CNMD: variants seen among roughly 807,000 people sequenced by gnomAD.
CNMD encodes chondromodulin.
In CNMD, 30 loss-of-function variants were observed where a neutral mutation model predicts 37.5. The observed-to-expected ratio is 0.80, with a 90% CI of 0.60 to 1.09. The LOEUF is 1.09. CNMD is among the 50% of genes least tolerant of loss of function. The pLI is 0.00. For missense variants in CNMD, 398 were observed against 423.9 expected, an observed-to-expected ratio of 0.94 and a Z score of 0.54; for synonymous variants, 167 against 148.2, an observed-to-expected ratio of 1.13 and a Z score of -0.92.
chr13:52,737,978 T>G (rs551160665), intron 2 of CNMD, among the ~76,000 whole-genome samples: 2 of 152,252 alleles, frequency 1.3e-5, no homozygotes, highest in Non-Finnish European at 2.9e-5. Flanking sequence ...ACATTTGAGT[T>G]AAAAATACAA....
chr13:52,718,929 T>A (rs1964434697), intron 4 of CNMD, among the ~76,000 whole-genome samples: 1 of 152,166 alleles, frequency 6.6e-6, no homozygotes, highest in African/African-American at 2.4e-5. Flanking sequence ...AGCGGGGTGT[T>A]AAAGTCTCCC....
chr13:52,732,140 A>G (rs1441594232), intron 3 of CNMD, among the ~76,000 whole-genome samples: 2 of 152,260 alleles, frequency 1.3e-5, no homozygotes, highest in African/African-American at 4.8e-5. Flanking sequence ...TTTCACTCAA[A>G]TGAAAAGCAT....
chr13:52,711,372 T>C (rs1379533249), intron 5 of CNMD, among the ~76,000 whole-genome samples: 1 of 152,190 alleles, frequency 6.6e-6, no homozygotes, highest in Non-Finnish European at 1.5e-5. Flanking sequence ...ATCATAGAAC[T>C]GTGAGTTGTG....
intron 6 of CNMD, among the ~76,000 whole-genome samples, chr13:52,704,311 A>G (rs1195731094): frequency 6.6e-6 from 1 of 152,204 alleles, no homozygotes; most frequent in African/African-American, 2.4e-5. Flanking sequence ...CTCTGAGAAC[A>G]CTGTCAAGTC....
At chr13:52,706,841 C>T (rs1039901702) in intron 6 of CNMD, among the ~76,000 whole-genome samples, 3 of 151,962 alleles carry the variant, frequency 2.0e-5, no homozygotes, top group African/African-American at 7.3e-5. Context: ...AAGGGAAACA[C>T]TTTTCTTAAT....
rs114030356 is a variant in CNMD, at chr13:52,735,818, G to A, written c.214-2459C>T. Among the ~76,000 whole-genome samples, 271 of 149,820 alleles carry A rather than the reference G, an allele frequency of 1.8e-3. 1 individual carries two copies. The highest frequency in any genetic ancestry group is 6.2e-3 in the African/African-American group (254 of 40,856). ...CGTAGGGCATCTTGGTTGTGCAGCT[G>A]CGGCCCACCTTTTTTTTTTTTTTTT... On this transcript the variant is annotated intron_variant, in intron 2 of 6. Transcript: ENST00000377962.
chr13:52,709,099 C>T (rs150432234), intron 5 of CNMD, among the ~76,000 whole-genome samples: 318 of 152,160 alleles, frequency 2.1e-3, no homozygotes, highest in African/African-American at 5.9e-3. Flanking sequence ...CAGCAGAATA[C>T]GCTAGTGCAG....
At chr13:52,719,337 A>G (rs1265845918) in intron 4 of CNMD, among the ~76,000 whole-genome samples, 1 of 152,154 alleles carries the variant, frequency 6.6e-6, no homozygotes, top group Non-Finnish European at 1.5e-5. Flanking sequence ...TTTAAGGTTA[A>G]TATTGTTATG....
At chr13:52,732,996 A>G (rs1038366322) in intron 3 of CNMD, 3 of 555,216 alleles carry the variant, frequency 5.4e-6, no homozygotes, top group Non-Finnish European at 9.6e-6. Context: ...TGTTTTTGGT[A>G]TTTTACAACT....
intron 5 of CNMD, among the ~76,000 whole-genome samples, chr13:52,709,749 G>T (rs1413278479): frequency 6.6e-6 from 1 of 152,194 alleles, no homozygotes; most frequent in Non-Finnish European, 1.5e-5. Context: ...GAGGCAGGCG[G>T]ATCACTTGAG....
chr13:52,718,347 C>T (rs1456175548), intron 4 of CNMD, among the ~76,000 whole-genome samples: 1 of 152,092 alleles, frequency 6.6e-6, no homozygotes, highest in African/African-American at 2.4e-5. Flanking sequence ...TCCTTCAGTT[C>T]TGCTCTGATC....
At chr13:52,703,939 T>A in intron 6 of CNMD, 129 bp from the exon 7 acceptor site, 1 of 688,988 alleles carries the variant, frequency 1.5e-6, no homozygotes, top group Non-Finnish European at 2.4e-6. Flanking sequence ...GGGTTTGATC[T>A]TGTTTACCCT....
intron 2 of CNMD, among the ~76,000 whole-genome samples, chr13:52,734,982 T>C (rs564328545): frequency 6.6e-6 from 1 of 152,180 alleles, no homozygotes; most frequent in Non-Finnish European, 1.5e-5. Context: ...AAAATACCAG[T>C]GTCCTTTTTC....
chr13:52,713,431 A>G (rs967775769), intron 4 of CNMD, among the ~76,000 whole-genome samples: 3 of 152,206 alleles, frequency 2.0e-5, no homozygotes, highest in East Asian at 3.8e-4. Flanking sequence ...TGAGATTTCA[A>G]AGTTAAACCC....
In CNMD at chr13:52,703,621, C is replaced by A. The variant is rs1964122294; in HGVS notation, c.979G>T (p.Val327Leu). Residue 327 changes from valine to leucine, a missense_variant, in exon 7 of 7, where the codon GTG becomes TTG. Coordinates refer to ENST00000377962, the MANE Select transcript of CNMD (RefSeq NM_007015.3). ...CACACCATGCCCAAGATACGGGCCA[C>A]CCACCAGCTACATGGCATGATGACT... Reference protein sequence around the residue: ...CRVIMPCSWWVARILGMV With the variant: ...CRVIMPCSWWLARILGMV 1 of 1,612,686 alleles carries A rather than the reference C, an allele frequency of 6.2e-7. No individual in the cohort carries two copies. Among genetic ancestry groups the A allele is most frequent in the African/African-American group, 1.3e-5 (1 of 74,890 alleles).
At chr13:52,714,267 C>T (rs191265715) in intron 4 of CNMD, among the ~76,000 whole-genome samples, 6 of 152,270 alleles carry the variant, frequency 3.9e-5, no homozygotes, top group South Asian at 2.1e-4. Context: ...TGCTGGCCAC[C>T]GAGCCAATGC....
intron 4 of CNMD, among the ~76,000 whole-genome samples, chr13:52,713,773 T>C (rs2138232095): frequency 6.6e-6 from 1 of 152,324 alleles, no homozygotes; most frequent in East Asian, 1.9e-4. Context: ...GAAAAATTTA[T>C]GAAAGCAAGT....
At chr13:52,709,281 A>C (rs1226246430) in intron 5 of CNMD, among the ~76,000 whole-genome samples, 2 of 152,222 alleles carry the variant, frequency 1.3e-5, no homozygotes, top group African/African-American at 4.8e-5. Flanking sequence ...TGGTAACTGG[A>C]AAGAGACTTG....
chr13:52,739,748 T>A lies in CNMD; in HGVS notation c.-47A>T. On this transcript the variant is annotated 5_prime_UTR_variant, in exon 1 of 7. Transcript: ENST00000377962. The surrounding 1 kb of genome is among the most constrained non-coding windows in gnomAD (Gnocchi z 5.4). ...GCACTTGGAGACTCCCTGGGCACCC[T>A]GGGATCTGTCCCGCTGCCCCGACGT... is the stretch of plus-strand genomic sequence containing the variant. 1.3e-6 allele frequency: 2 copies of A among 1,508,280 alleles called. No individual in the cohort carries two copies. The highest frequency in any genetic ancestry group is 1.8e-6 in the Non-Finnish European group (2 of 1,084,576). The allele number at this position is 1,508,280 out of a possible 1,614,324, so 93.4% of individuals were successfully genotyped here.
Sources: allele counts gnomAD v4.1 joint callset (sites outside exome capture counted in the v4.1 genomes callset), GRCh38; gene constraint gnomAD v4.1.1; non-coding constraint Gnocchi (gnomAD v3.1); transcripts MANE v1.5; gene names NCBI Gene and HGNC (gene_info 2026-07-23, HGNC 2026-07-21).